Variants in NR2C1 observed in about 807,000 individuals in gnomAD.
NR2C1 encodes TR2 nuclear hormone receptor.
In NR2C1, 33 loss-of-function variants were observed where a neutral mutation model predicts 74.8. The observed-to-expected ratio is 0.44, with a 90% CI of 0.33 to 0.59. NR2C1 has a LOEUF of 0.59. Ranked by LOEUF, NR2C1 falls within the 20% of genes least tolerant of loss-of-function variation. The probability of loss-of-function intolerance (pLI) is 0.02; values close to 1 mark genes in which losing one functional copy is unlikely to be tolerated. For synonymous variants in NR2C1, 225 were observed against 240.6 expected (o/e 0.94, Z 0.60); for missense variants, 568 against 715.6 (o/e 0.79, Z 2.35).
intron 9 of NR2C1, 108 bp downstream of exon 9, chr12:95,048,960 C>G: frequency 9.9e-7 from 1 of 1,008,900 alleles, no homozygotes; most frequent in Non-Finnish European, 1.5e-6. Context: ...GAAATTCTAT[C>G]AGGGATATTT....
intron 5 of NR2C1, 71 bp downstream of exon 5, chr12:95,058,239 G>T: frequency 7.4e-7 from 1 of 1,354,364 alleles, no homozygotes; most frequent in Non-Finnish European, 1.0e-6. Flanking sequence ...GACATATTTT[G>T]TTAATTTCAA....
chr12:95,031,562 AATACT>A, intron 10 of NR2C1, 74 bp from the exon 11 acceptor site: 5 of 1,173,936 alleles, frequency 4.3e-6, no homozygotes, highest in Non-Finnish European at 5.7e-6. Flanking sequence ...AGCTAGTCCA[AATACT>A]TAAAAACAGC....
intron 7 of NR2C1, among the ~76,000 whole-genome samples, chr12:95,052,250 G>A (rs954511013): frequency 1.3e-5 from 2 of 151,632 alleles, no homozygotes; most frequent in Admixed American, 6.6e-5. Context: ...CTGCCTGCCA[G>A]GTTCAAGCGA....
intron 7 of NR2C1, among the ~76,000 whole-genome samples, chr12:95,053,018 C>CT (rs1276098967): frequency 6.6e-6 from 1 of 151,770 alleles, no homozygotes; most frequent in African/African-American, 2.4e-5. Flanking sequence ...GAGTCTCACT[C>CT]TGTCACCCAG....
chr12:95,069,225 T>G (rs890041081), intron 1 of NR2C1, among the ~76,000 whole-genome samples: 4 of 152,188 alleles, frequency 2.6e-5, no homozygotes, highest in African/African-American at 7.2e-5. Flanking sequence ...TGCATTAGAC[T>G]CAAAGAAGTC....
chr12:95,062,560 C>G lies in NR2C1; in HGVS notation c.233G>C (p.Gly78Ala). 6.2e-7 allele frequency: 1 copy of G among 1,613,506 alleles called. No homozygotes were observed. Among genetic ancestry groups the G allele is most frequent in the Non-Finnish European group, 8.5e-7 (1 of 1,179,654 alleles). The change falls in exon 3 of 14, where the codon GGT (glycine) becomes GCT (alanine). Residue 78 changes from glycine (G) to alanine (A), a missense_variant. This residue lies in a region of NR2C1 where 128 missense variants were observed against 118.9 expected (regional missense o/e 1.08). Transcript: ENST00000333003. Reference sequence around the variant, plus strand: ...AGTGGTAAAAAATAACTGGTTGACACCTGCTGCATCTGGAGTTGTAAGGAA... The same window carrying G: ...AGTGGTAAAAAATAACTGGTTGACAGCTGCTGCATCTGGAGTTGTAAGGAA... ...KVFLTTPDAA[G>A]VNQLFFTTPD...
chr12:95,067,868 C>G (rs750174755), intron 1 of NR2C1, among the ~76,000 whole-genome samples: 1 of 150,470 alleles, frequency 6.6e-6, no homozygotes, highest in Non-Finnish European at 1.5e-5. Flanking sequence ...ATGCCCACCC[C>G]TCCATGTATC....
chr12:95,062,798 T>A, intron 2 of NR2C1, 60 bp from the exon 3 acceptor site: 1 of 1,304,466 alleles, frequency 7.7e-7, no homozygotes, highest in Non-Finnish European at 1.1e-6. Flanking sequence ...ATGACACAAT[T>A]ATCTTCTTAG....
intron 5 of NR2C1, chr12:95,058,090 G>A (rs1874191019): frequency 3.0e-6 from 2 of 659,614 alleles, no homozygotes; most frequent in Non-Finnish European, 4.9e-6. Context: ...CATTCTTTTT[G>A]CCAAACACAA....
intron 9 of NR2C1, among the ~76,000 whole-genome samples, chr12:95,044,814 A>G (rs1219453546): frequency 6.6e-6 from 1 of 152,152 alleles, no homozygotes; most frequent in African/African-American, 2.4e-5. Context: ...TCTGGGAGGC[A>G]GAGGTTGCAG....
chr12:95,045,875 G>A (rs776760236), intron 9 of NR2C1, among the ~76,000 whole-genome samples: 21 of 151,914 alleles, frequency 1.4e-4, no homozygotes, highest in Non-Finnish European at 2.5e-4. Context: ...GTATCGCTCT[G>A]TCACTTAGGC....
chr12:95,071,840 C>A (rs1458374879), intron 1 of NR2C1, among the ~76,000 whole-genome samples: 1 of 151,604 alleles, frequency 6.6e-6, no homozygotes, highest in African/African-American at 2.4e-5. Flanking sequence ...CCTCCGCCTC[C>A]CGGGTTCAAG....
chr12:95,051,572 A>G (rs1873013551), intron 8 of NR2C1, among the ~76,000 whole-genome samples, 190 bp downstream of exon 8: 1 of 152,242 alleles, frequency 6.6e-6, no homozygotes, highest in Admixed American at 6.5e-5. Flanking sequence ...AAACATTCCA[A>G]AATCTGAAAT....
chr12:95,062,352 G>C (rs1264591471), intron 3 of NR2C1, among the ~76,000 whole-genome samples, 156 bp downstream of exon 3: 1 of 152,186 alleles, frequency 6.6e-6, no homozygotes, highest in Non-Finnish European at 1.5e-5. Context: ...GTGGCCCATA[G>C]GAGAGGGCTG....
intron 7 of NR2C1, among the ~76,000 whole-genome samples, chr12:95,055,601 A>C (rs956135822): frequency 1.3e-5 from 2 of 152,234 alleles, no homozygotes; most frequent in Non-Finnish European, 2.9e-5. Context: ...TAAAGCATCA[A>C]GTGACAAATA....
intron 7 of NR2C1, among the ~76,000 whole-genome samples, chr12:95,052,754 G>A (rs1282288878): frequency 6.6e-6 from 1 of 152,092 alleles, no homozygotes; most frequent in East Asian, 1.9e-4. Flanking sequence ...CTATAAACTT[G>A]TATGGAATAT....
chr12:95,071,364 TC>T (rs1224805799), intron 1 of NR2C1, among the ~76,000 whole-genome samples: 1 of 152,232 alleles, frequency 6.6e-6, no homozygotes, highest in Non-Finnish European at 1.5e-5. Context: ...GGTGCATTTT[TC>T]TAGACAAGTT....
intron 11 of NR2C1, among the ~76,000 whole-genome samples, chr12:95,028,751 T>G (rs752037835): frequency 9.9e-5 from 15 of 152,158 alleles, no homozygotes; most frequent in Admixed American, 3.3e-4. Flanking sequence ...TGCCTCAGCC[T>G]CCCAAGTAGC....
intron 11 of NR2C1, among the ~76,000 whole-genome samples, chr12:95,029,827 G>A (rs1869838043): frequency 6.6e-6 from 1 of 152,090 alleles, no homozygotes; most frequent in African/African-American, 2.4e-5. Context: ...AAAGTGCTGG[G>A]ATTACAGGCG....
Sources: allele counts gnomAD v4.1 joint callset (sites outside exome capture counted in the v4.1 genomes callset), GRCh38; gene constraint gnomAD v4.1.1; regional missense constraint gnomAD v4.1.1; transcripts MANE v1.5; gene names NCBI Gene and HGNC (gene_info 2026-07-23, HGNC 2026-07-21).